LRRC4C: variants seen among roughly 807,000 people sequenced by gnomAD.
LRRC4C encodes the protein leucine rich repeat containing 4C.
In LRRC4C, 5 loss-of-function variants were observed where a neutral mutation model predicts 33.6. That is an observed-to-expected ratio of 0.15 (90% CI 0.08 to 0.31). LRRC4C has a LOEUF of 0.31. Ranked by LOEUF, LRRC4C falls within the 10% of genes least tolerant of loss-of-function variation. LRRC4C has a pLI of 1.00. For missense variants in LRRC4C, 560 were observed against 796.7 expected (o/e 0.70, Z 3.58); for synonymous variants, 329 against 302.0 (o/e 1.09, Z -0.93).
chr11:41,339,899 T>C (rs1951575169), intron 1 of LRRC4C, among the ~76,000 whole-genome samples: 1 of 152,158 alleles, frequency 6.6e-6, no homozygotes. Flanking sequence ...AGTTACCTGC[T>C]AGTCTCCAGC....
chr11:40,591,165 G>A (rs578075748), intron 3 of LRRC4C, among the ~76,000 whole-genome samples: 6 of 152,270 alleles, frequency 3.9e-5, no homozygotes, highest in African/African-American at 9.6e-5. Flanking sequence ...GCCAGGTACC[G>A]GATATAATCT....
chr11:40,175,015 T>C (rs890057253), intron 5 of LRRC4C, among the ~76,000 whole-genome samples: 1 of 152,122 alleles, frequency 6.6e-6, no homozygotes, highest in African/African-American at 2.4e-5. Flanking sequence ...AGAAACAGAT[T>C]GATGATCTAG....
chr11:40,852,423 A>G (rs1040382755), intron 2 of LRRC4C, among the ~76,000 whole-genome samples: 3 of 152,112 alleles, frequency 2.0e-5, no homozygotes, highest in Non-Finnish European at 4.4e-5. Flanking sequence ...TTCAAAAATA[A>G]AATTTTAGAT....
intron 3 of LRRC4C, among the ~76,000 whole-genome samples, chr11:40,561,532 C>T (rs966436475): frequency 6.6e-6 from 1 of 150,596 alleles, no homozygotes; most frequent in African/African-American, 2.4e-5. Context: ...CCTGCCTCAG[C>T]TTCCCAAGTA....
rs1218337597 is a variant in LRRC4C at position 40,733,499 on chromosome 11, G to C, written c.-406-85221C>G. ...TAAAAATTGATTTGGGATCCAGATT[G>C]AACCCACTTAGCCTGCACTTCTACC... On this transcript the variant is annotated intron_variant, in intron 2 of 6. Coordinates refer to ENST00000528697, the MANE Select transcript of LRRC4C (RefSeq NM_001258419.2). Among the ~76,000 whole-genome samples, 65 of 152,118 alleles carry C rather than the reference G, an allele frequency of 4.3e-4. 2 individuals carry two copies. The highest frequency in any genetic ancestry group is 2.9e-5 in the Non-Finnish European group (2 of 68,026).
intron 3 of LRRC4C, among the ~76,000 whole-genome samples, chr11:40,516,727 G>T (rs17485538): frequency 0.094 from 14,331 of 152,070 alleles, 796 homozygotes; most frequent in Middle Eastern, 0.15. Flanking sequence ...TTTTTCTTCT[G>T]CATAAAATTA....
chr11:41,418,848 T>C (rs966805388), intron 1 of LRRC4C, among the ~76,000 whole-genome samples: 2 of 151,822 alleles, frequency 1.3e-5, no homozygotes, highest in Non-Finnish European at 2.9e-5. Context: ...TAATACAGAG[T>C]CTAGAATGCA....
At chr11:40,565,693 C>T (rs1407216514) in intron 3 of LRRC4C, among the ~76,000 whole-genome samples, 1 of 152,032 alleles carries the variant, frequency 6.6e-6, no homozygotes, top group Non-Finnish European at 1.5e-5. Flanking sequence ...ACATTTCCTT[C>T]TAATAATTTT....
At chr11:41,062,311 C>T (rs1483228629) in intron 1 of LRRC4C, among the ~76,000 whole-genome samples, 1 of 152,142 alleles carries the variant, frequency 6.6e-6, no homozygotes, top group Non-Finnish European at 1.5e-5. Flanking sequence ...TGCATTCTCA[C>T]ATATAAATGG....
chr11:40,500,293 T>TATATAC (rs1394949843), intron 3 of LRRC4C, among the ~76,000 whole-genome samples: 1,947 of 96,740 alleles, frequency 0.02, 33 homozygotes, highest in Non-Finnish European at 0.029. Flanking sequence ...TATATATATA[T>TATATAC]ACACACACAC....
intron 4 of LRRC4C, 67 bp from the exon 5 acceptor site, chr11:40,241,665 C>T (rs1205888899): frequency 2.0e-5 from 3 of 152,136 alleles, no homozygotes; most frequent in Admixed American, 6.5e-5. Flanking sequence ...TGCCATTTTT[C>T]TGCAAGGCTA....
intron 1 of LRRC4C, among the ~76,000 whole-genome samples, chr11:41,253,199 C>T (rs184205413): frequency 1.7e-3 from 258 of 152,190 alleles, no homozygotes; most frequent in Admixed American, 3.7e-3. Context: ...TTTCTAATTC[C>T]TCAGTAAGTA....
chr11:40,196,887 T>C (rs1190577934), intron 5 of LRRC4C, among the ~76,000 whole-genome samples: 1 of 152,202 alleles, frequency 6.6e-6, no homozygotes, highest in African/African-American at 2.4e-5. Flanking sequence ...AGATCACTAG[T>C]GAAGGCAGTG....
intron 1 of LRRC4C, among the ~76,000 whole-genome samples, chr11:41,010,574 C>T (rs1036295805): frequency 1.3e-5 from 2 of 152,150 alleles, no homozygotes; most frequent in Admixed American, 6.5e-5. Flanking sequence ...TGCTGTGAAA[C>T]AATGCTGTGC....
At chr11:41,025,368 G>A (rs1856271284) in intron 1 of LRRC4C, among the ~76,000 whole-genome samples, 2 of 151,600 alleles carry the variant, frequency 1.3e-5, no homozygotes, top group African/African-American at 2.4e-5. Context: ...GTAAAGACAT[G>A]AATGATAAGA....
chr11:41,237,079 C>T (rs898617176), intron 1 of LRRC4C, among the ~76,000 whole-genome samples: 9 of 152,148 alleles, frequency 5.9e-5, no homozygotes, highest in Admixed American at 1.3e-4. Flanking sequence ...GCCAGATGAA[C>T]CTAAAATGTT....
At chr11:40,798,230 C>T (rs1217187151) in intron 2 of LRRC4C, among the ~76,000 whole-genome samples, 3 of 152,162 alleles carry the variant, frequency 2.0e-5, no homozygotes, top group African/African-American at 7.2e-5. Flanking sequence ...TGCCCTTGAC[C>T]TTGCCAAGAA....
chr11:40,435,927 T>A (rs10837408), intron 3 of LRRC4C, among the ~76,000 whole-genome samples: 63,909 of 151,872 alleles, frequency 0.42, 13,735 homozygotes, highest in East Asian at 0.53. Flanking sequence ...AGCTAGCTGC[T>A]ACTCTTCCCT....
chr11:40,252,122 T>C (rs1265583237), intron 4 of LRRC4C, among the ~76,000 whole-genome samples: 1 of 152,066 alleles, frequency 6.6e-6, no homozygotes, highest in Non-Finnish European at 1.5e-5. Flanking sequence ...TACTTAATGA[T>C]AGTGGCAACA....
Sources: gnomAD v4.1 joint callset for allele counts (sites outside exome capture counted in the v4.1 genomes callset) on GRCh38, gnomAD v4.1.1 for gene constraint, MANE v1.5 for transcripts, NCBI Gene and HGNC (gene_info 2026-07-23, HGNC 2026-07-21) for gene names.